Variants in ARHGAP15 observed in about 807,000 individuals in gnomAD.
The protein encoded by ARHGAP15 is Rho GTPase activating protein 15.
Under a neutral mutation model 63.7 loss-of-function variants are expected in ARHGAP15, and 51 were observed. That is an observed-to-expected ratio of 0.80 (90% CI 0.64 to 1.01). The LOEUF is 1.01. Among genes scored for constraint, ARHGAP15 ranks in the 50% least tolerant of loss-of-function variants. ARHGAP15 has a pLI of 0.00. For synonymous variants in ARHGAP15, 191 were observed against 193.8 expected (o/e 0.99, Z 0.12); for missense variants, 560 against 564.6 (o/e 0.99, Z 0.08).
At chr2:143,313,352 C>T (rs1342863812) in intron 6 of ARHGAP15, among the ~76,000 whole-genome samples, 5 of 152,026 alleles carry the variant, frequency 3.3e-5, no homozygotes, top group African/African-American at 9.7e-5. Flanking sequence ...ATTAAATACC[C>T]GCTTCTTATA....
chr2:143,135,681 C>T (rs1266281219), intron 1 of ARHGAP15, among the ~76,000 whole-genome samples: 1 of 152,030 alleles, frequency 6.6e-6, no homozygotes, highest in Admixed American at 6.6e-5. Context: ...ACCCTCCTTC[C>T]CTCTTGAAAC....
At chr2:143,555,762 AAT>A (rs1357649975) in intron 10 of ARHGAP15, among the ~76,000 whole-genome samples, 2 of 152,066 alleles carry the variant, frequency 1.3e-5, no homozygotes, top group African/African-American at 4.8e-5. Context: ...ATACACTAGA[AAT>A]TATCAAACTA....
chr2:143,658,235 A>T (rs1228840721), intron 12 of ARHGAP15, among the ~76,000 whole-genome samples: 1 of 151,892 alleles, frequency 6.6e-6, no homozygotes, highest in Non-Finnish European at 1.5e-5. Context: ...ACTCTCTACC[A>T]CTCTCTTATA....
chr2:143,435,942 G>C (rs1364491702), intron 7 of ARHGAP15, among the ~76,000 whole-genome samples: 1 of 151,632 alleles, frequency 6.6e-6, no homozygotes, highest in Non-Finnish European at 1.5e-5. Context: ...AAATAACATA[G>C]ACATTCATTT....
intron 6 of ARHGAP15, among the ~76,000 whole-genome samples, chr2:143,387,557 T>C (rs1050412311): frequency 1.3e-5 from 2 of 152,198 alleles, no homozygotes; most frequent in African/African-American, 2.4e-5. Flanking sequence ...TGGCATTGTA[T>C]TGACATTTTA....
At chr2:143,419,268 G>A (rs1282812638) in intron 6 of ARHGAP15, among the ~76,000 whole-genome samples, 2 of 152,014 alleles carry the variant, frequency 1.3e-5, no homozygotes, top group African/African-American at 4.8e-5. Context: ...GAATTGAAAT[G>A]GGCTTATGCT....
chr2:143,537,895 G>GT (rs1254053430), intron 10 of ARHGAP15, among the ~76,000 whole-genome samples: 7 of 151,360 alleles, frequency 4.6e-5, no homozygotes, highest in African/African-American at 7.3e-5. Context: ...CTTTAAAGCA[G>GT]TTTTTTCCAA....
At chr2:143,410,548 A>G (rs755823608) in intron 6 of ARHGAP15, among the ~76,000 whole-genome samples, 18 of 152,224 alleles carry the variant, frequency 1.2e-4, no homozygotes, top group Non-Finnish European at 1.5e-5. Context: ...ACTTTGCATC[A>G]CAGAGTGGTA....
intron 9 of ARHGAP15, among the ~76,000 whole-genome samples, chr2:143,499,274 T>G (rs1391948350): frequency 6.6e-6 from 1 of 152,212 alleles, no homozygotes; most frequent in East Asian, 1.9e-4. Context: ...GAGCTTAACT[T>G]GTTAGTTCTG....
intron 8 of ARHGAP15, among the ~76,000 whole-genome samples, chr2:143,466,837 A>G (rs1277683466): frequency 6.6e-6 from 1 of 152,084 alleles, no homozygotes; most frequent in Non-Finnish European, 1.5e-5. Context: ...AGGTAGATGA[A>G]ACAACACCCA....
intron 12 of ARHGAP15, among the ~76,000 whole-genome samples, chr2:143,686,002 T>C (rs979935808): frequency 6.6e-6 from 1 of 152,180 alleles, no homozygotes; most frequent in African/African-American, 2.4e-5. Flanking sequence ...AGTATTATTA[T>C]TTTTTATTTC....
At chr2:143,210,180 G>A (rs1692511484) in intron 3 of ARHGAP15, among the ~76,000 whole-genome samples, 2 of 152,132 alleles carry the variant, frequency 1.3e-5, no homozygotes, top group African/African-American at 2.4e-5. Flanking sequence ...CAGGGAAGAA[G>A]AGAAAGCAAT....
chr2:143,390,241 A>G (rs1189923478), intron 6 of ARHGAP15, among the ~76,000 whole-genome samples: 1 of 152,134 alleles, frequency 6.6e-6, no homozygotes, highest in East Asian at 1.9e-4. Flanking sequence ...TAAACGTTAC[A>G]TGGCTGGTTG....
At position 143,747,382 on chromosome 2, in the gene ARHGAP15, CATTA is replaced by C. The variant is rs567737493; in HGVS notation, c.1245-20601_1245-20598del. Among the ~76,000 whole-genome samples the C allele has an allele frequency of 3.9e-3, 597 of 152,310 alleles. 5 individuals are homozygous for C. The highest frequency in any genetic ancestry group is 8.7e-3 in the South Asian group (42 of 4,826). ...TGTAACTTATGAGCCAATATTGAGA[CATTA>C]ATTAAAGTCCATAGTTTACATTAGG... On this transcript the variant is annotated intron_variant, in intron 13 of 13. Transcript: ENST00000295095.
chr2:143,402,511 T>C (rs1688024778), intron 6 of ARHGAP15, among the ~76,000 whole-genome samples: 2 of 149,030 alleles, frequency 1.3e-5, no homozygotes, highest in African/African-American at 2.5e-5. Context: ...TTGAAAACTC[T>C]GATGTTTCCA....
intron 11 of ARHGAP15, among the ~76,000 whole-genome samples, chr2:143,613,233 G>C (rs1268684613): frequency 6.6e-6 from 1 of 152,018 alleles, no homozygotes; most frequent in African/African-American, 2.4e-5. Context: ...ATAAAAATGA[G>C]GTCAATTATT....
At chr2:143,630,104 T>G (rs1227577025) in intron 12 of ARHGAP15, among the ~76,000 whole-genome samples, 1 of 152,098 alleles carries the variant, frequency 6.6e-6, no homozygotes, top group Non-Finnish European at 1.5e-5. Flanking sequence ...AAAAGCTGAG[T>G]TTAGAATTAA....
At chr2:143,622,588 G>A (rs924640863) in intron 11 of ARHGAP15, among the ~76,000 whole-genome samples, 16 of 152,160 alleles carry the variant, frequency 1.1e-4, no homozygotes, top group South Asian at 1.0e-3. Flanking sequence ...TTGCAGGGCA[G>A]AAAGAAGGTC....
intron 13 of ARHGAP15, 86 bp from the exon 14 acceptor site, chr2:143,767,903 T>C (rs1323565356): frequency 3.1e-6 from 4 of 1,281,560 alleles, no homozygotes; most frequent in African/African-American, 1.5e-5. Flanking sequence ...TTTTCCTGAA[T>C]GAGAAACCTT....
Sources: gnomAD v4.1 joint callset for allele counts (sites outside exome capture counted in the v4.1 genomes callset) on GRCh38, gnomAD v4.1.1 for gene constraint, MANE v1.5 for transcripts, NCBI Gene and HGNC (gene_info 2026-07-23, HGNC 2026-07-21) for gene names.